Variants in RIMS2 observed in about 807,000 individuals in gnomAD.
The protein encoded by RIMS2 is regulating synaptic membrane exocytosis 2, also known as regulating synaptic membrane exocytosis protein 2.
A neutral mutation model predicts 174.4 loss-of-function variants in RIMS2; 59 were observed. The observed-to-expected ratio is 0.34, with a 90% CI of 0.27 to 0.42. RIMS2 has a LOEUF of 0.42. RIMS2 is among the 10% of genes least tolerant of loss of function. The probability of loss-of-function intolerance (pLI) is 1.00; values close to 1 mark genes in which losing one functional copy is unlikely to be tolerated. For missense variants in RIMS2, 1,620 were observed against 1,666.3 expected (o/e 0.97, Z 0.48); for synonymous variants, 606 against 572.5 (o/e 1.06, Z -0.84).
intron 1 of RIMS2, among the ~76,000 whole-genome samples, chr8:103,590,646 C>T (rs1283501806): frequency 2.1e-5 from 3 of 146,216 alleles, no homozygotes; most frequent in East Asian, 2.0e-4. Context: ...ATGAATCTAT[C>T]GTATATTTTA....
At chr8:104,161,415 A>G (rs774693319) in intron 19 of RIMS2, among the ~76,000 whole-genome samples, 19 of 152,210 alleles carry the variant, frequency 1.2e-4, no homozygotes, top group Non-Finnish European at 5.9e-5. Flanking sequence ...GAGACTAGCA[A>G]TAGAGATTGG....
chr8:104,148,664 A>C lies in RIMS2; in HGVS notation c.3335-96252A>C, dbSNP rs184989204. ...TGGGCATATCAGGGAAGAACATGAC[A>C]AAAAGCACCAGCATCAGTGGAGACA... On this transcript the variant is annotated intron_variant, in intron 19 of 23. Coordinates refer to ENST00000504942, the Ensembl canonical transcript of RIMS2. 3 of 1,598,370 alleles carry C rather than the reference A, an allele frequency of 1.9e-6. No individual in the cohort carries two copies. In the Admixed American group the frequency reaches 5.0e-5, roughly 27 times the overall value.
At chr8:103,821,372 A>G (rs2098750675) in intron 3 of RIMS2, among the ~76,000 whole-genome samples, 1 of 151,658 alleles carries the variant, frequency 6.6e-6, no homozygotes, top group Non-Finnish European at 1.5e-5. Context: ...ATTGATTATT[A>G]TCTAAAACTA....
chr8:104,155,067 C>T lies in RIMS2; in HGVS notation c.3335-89849C>T, dbSNP rs576020967. Among the ~76,000 whole-genome samples the T allele has an allele frequency of 2.6e-4, 39 of 151,902 alleles. No homozygotes were observed. In the South Asian group the frequency reaches 6.4e-3, roughly 25 times the overall value. On this transcript the variant is annotated intron_variant, in intron 19 of 23. Coordinates refer to ENST00000504942, the Ensembl canonical transcript of RIMS2. ...GTCTAAATGCCAGAAGGTCTCATGCCTTTCTGGGGGTGTTAGTTTTTTTTG... is the reference window on the plus strand; with the variant it reads ...GTCTAAATGCCAGAAGGTCTCATGCTTTTCTGGGGGTGTTAGTTTTTTTTG...
chr8:104,213,885 AAAAAAGAAGAAG>A (rs1725866772), intron 19 of RIMS2, among the ~76,000 whole-genome samples: 1 of 140,262 alleles, frequency 7.1e-6, no homozygotes, highest in Middle Eastern at 3.3e-3. Flanking sequence ...CGGAAAAAAA[AAAAAAGAAGAAG>A]AAGAAGAAGA....
chr8:103,722,806 G>A (rs1401974591), intron 2 of RIMS2, among the ~76,000 whole-genome samples: 1 of 152,180 alleles, frequency 6.6e-6, no homozygotes, highest in Non-Finnish European at 1.5e-5. Flanking sequence ...TGTCTGACTA[G>A]GACAGAGCTG....
intron 16 of RIMS2, among the ~76,000 whole-genome samples, chr8:103,980,658 G>T (rs1402153037): frequency 6.6e-6 from 1 of 152,188 alleles, no homozygotes; most frequent in Non-Finnish European, 1.5e-5. Context: ...TACAAGCTCA[G>T]CATTTCAGTA....
intron 3 of RIMS2, among the ~76,000 whole-genome samples, chr8:103,850,400 A>G (rs1413859486): frequency 2.6e-5 from 4 of 151,954 alleles, no homozygotes; most frequent in Admixed American, 6.6e-5. Flanking sequence ...CTCCATCATG[A>G]TCAGAGTCCC....
At chr8:103,959,718 A>G (rs2089203277) in intron 14 of RIMS2, among the ~76,000 whole-genome samples, 1 of 151,870 alleles carries the variant, frequency 6.6e-6, no homozygotes, top group African/African-American at 2.4e-5. Flanking sequence ...GCCACCGTGT[A>G]TCTCTACCTT....
intron 3 of RIMS2, among the ~76,000 whole-genome samples, chr8:103,844,369 A>G (rs773872453): frequency 3.1e-4 from 47 of 152,316 alleles, no homozygotes; most frequent in Non-Finnish European, 5.1e-4. Flanking sequence ...TATTGTAGTC[A>G]GTTTAGTCTT....
intron 2 of RIMS2, among the ~76,000 whole-genome samples, chr8:103,700,814 G>A (rs2097158577): frequency 6.6e-6 from 1 of 151,846 alleles, no homozygotes; most frequent in Non-Finnish European, 1.5e-5. Context: ...AGTTATTCAA[G>A]ATTTGTAGAA....
intron 19 of RIMS2, among the ~76,000 whole-genome samples, chr8:104,141,963 CT>C (rs1024610320): frequency 6.6e-6 from 1 of 152,168 alleles, no homozygotes; most frequent in Non-Finnish European, 1.5e-5. Flanking sequence ...TATATGTTTA[CT>C]GTCTTTCACT....
intron 14 of RIMS2, among the ~76,000 whole-genome samples, chr8:103,948,670 G>A (rs2084443634): frequency 6.6e-6 from 1 of 152,132 alleles, no homozygotes; most frequent in Non-Finnish European, 1.5e-5. Context: ...GCTGGAAGTA[G>A]CAATAGACAC....
chr8:103,874,192 A>G (rs1204270750), intron 3 of RIMS2, among the ~76,000 whole-genome samples: 3 of 152,048 alleles, frequency 2.0e-5, no homozygotes, highest in Non-Finnish European at 4.4e-5. Flanking sequence ...TGAACTCTCA[A>G]TCATGAAACA....
At chr8:103,554,868 A>G (rs1367154242) in intron 1 of RIMS2, among the ~76,000 whole-genome samples, 3 of 152,182 alleles carry the variant, frequency 2.0e-5, no homozygotes. Context: ...AAAGAAGATC[A>G]TGTCCTTTGC....
chr8:103,753,109 A>T (rs1591662107), intron 2 of RIMS2, among the ~76,000 whole-genome samples: 1 of 152,236 alleles, frequency 6.6e-6, no homozygotes, highest in South Asian at 2.1e-4. Flanking sequence ...GATACATCCC[A>T]TCAATACCTA....
At chr8:103,918,541 G>T in intron 9 of RIMS2, 54 bp downstream of exon 12, 11 of 1,185,864 alleles carry the variant, frequency 9.3e-6, no homozygotes, top group Non-Finnish European at 1.4e-5. Context: ...ATTCATCAGA[G>T]ATCAGATGAA....
intron 3 of RIMS2, among the ~76,000 whole-genome samples, chr8:103,848,349 G>A (rs1231935469): frequency 6.6e-6 from 1 of 151,996 alleles, no homozygotes; most frequent in African/African-American, 2.4e-5. Context: ...TTTTCTTCAA[G>A]TGGATATGAA....
chr8:104,154,951 TA>T (rs1723299260), intron 19 of RIMS2, among the ~76,000 whole-genome samples: 1 of 140,964 alleles, frequency 7.1e-6, no homozygotes, highest in African/African-American at 2.7e-5. Context: ...TGGAAAGAAA[TA>T]GTAGAGTTTA....
Sources: allele counts gnomAD v4.1 joint callset (sites outside exome capture counted in the v4.1 genomes callset), GRCh38; gene constraint gnomAD v4.1.1; transcripts MANE v1.5; gene names NCBI Gene and HGNC (gene_info 2026-07-23, HGNC 2026-07-21).